The following ENPP2 variants were observed in gnomAD, a reference collection of about 807,000 sequenced individuals.
ENPP2 encodes the protein ectonucleotide pyrophosphatase/phosphodiesterase 2, also known as autotaxin.
A neutral mutation model predicts 120.2 loss-of-function variants in ENPP2; 51 were observed. The ratio of observed to expected loss-of-function variants is 0.42; its 90% confidence interval spans 0.34 to 0.54. The LOEUF (loss-of-function observed/expected upper bound fraction) is 0.54, where lower values mean the gene tolerates loss of function less well. ENPP2 is among the 20% of genes least tolerant of loss of function. The pLI, the probability that ENPP2 is intolerant of heterozygous loss-of-function variation, is 0.04. For missense variants in ENPP2, 920 were observed against 1,066.5 expected (o/e 0.86, Z 1.91); for synonymous variants, 365 against 366.4 (o/e 1.00, Z 0.04).
chr8:119,591,767 G>A (rs80130134), intron 12 of ENPP2, among the ~76,000 whole-genome samples: 12,715 of 152,058 alleles, frequency 0.084, 591 homozygotes, highest in South Asian at 0.17. Context: ...CACAGCATAA[G>A]GATTATATAT....
rs1363587787 is a variant in ENPP2, at chr8:119,595,161, T to C, written c.973-1301A>G. On this transcript the variant is annotated intron_variant, in intron 11 of 24. Transcript: ENST00000075322. ...TGTGTTTTGATCTTTGGCAATGACTTATTTTCCTTTACTCAGCAGGATGAC... is the reference window on the plus strand; with the variant it reads ...TGTGTTTTGATCTTTGGCAATGACTCATTTTCCTTTACTCAGCAGGATGAC... 2.0e-5 allele frequency among the ~76,000 whole-genome samples: 3 copies of C among 152,246 alleles called. 1 individual carries two copies. The highest frequency in any genetic ancestry group is 7.2e-5 in the African/African-American group (3 of 41,470).
Position 119,662,939 on chromosome 8 carries a change from C to T in ENPP2, c.21+10313G>A, listed in dbSNP as rs536830083. Among the ~76,000 whole-genome samples the T allele has an allele frequency of 3.5e-3, 529 of 152,058 alleles. 3 individuals carry two copies. Among genetic ancestry groups the T allele is most frequent in the African/African-American group, 0.011 (441 of 41,498 alleles). On this transcript the variant is annotated intron_variant, in intron 1 of 25. Transcript: ENST00000427067. ...CAGCCTGGCCAACATGGTGAAACCCCGTCTCTACCAAAAATATATTTTTTT... is the reference window on the plus strand; with the variant it reads ...CAGCCTGGCCAACATGGTGAAACCCTGTCTCTACCAAAAATATATTTTTTT...
chr8:119,566,627 A>G (rs1814471374), intron 22 of ENPP2, among the ~76,000 whole-genome samples: 1 of 152,178 alleles, frequency 6.6e-6, no homozygotes, highest in South Asian at 2.1e-4. Flanking sequence ...GGCATGTGAA[A>G]AAACCACCCC....
At chr8:119,611,760 T>A (rs1463192949) in intron 8 of ENPP2, among the ~76,000 whole-genome samples, 1 of 152,138 alleles carries the variant, frequency 6.6e-6, no homozygotes, top group African/African-American at 2.4e-5. Flanking sequence ...GCGCCGTGGC[T>A]CACACCTGTA....
chr8:119,672,349 C>A (rs945147527), intron 1 of ENPP2, among the ~76,000 whole-genome samples: 1 of 152,192 alleles, frequency 6.6e-6, no homozygotes, highest in Admixed American at 6.5e-5. Flanking sequence ...GTTCCCTCTC[C>A]ATCCTGCTGG....
At chr8:119,612,547 C>T (rs1332634098) in intron 8 of ENPP2, among the ~76,000 whole-genome samples, 1 of 152,098 alleles carries the variant, frequency 6.6e-6, no homozygotes, top group East Asian at 1.9e-4. Context: ...ATTGTACCAC[C>T]AATACTGGCA....
intron 4 of ENPP2, 44 bp downstream of exon 4, chr8:119,621,349 GT>G (rs770459481): frequency 6.2e-7 from 1 of 1,600,088 alleles, no homozygotes; most frequent in South Asian, 1.1e-5. Flanking sequence ...AGCACCTCCA[GT>G]TTTTATTCTT....
Position 119,587,075 on chromosome 8 carries a change from T to G in ENPP2, c.1208A>C (p.Tyr403Ser), listed in dbSNP as rs773628171. The G allele has an allele frequency of 9.3e-6, 15 of 1,607,510 alleles. No homozygotes were observed. The Admixed American group carries it at 1.2e-4, about 13-fold the overall frequency. Residue 403 changes from tyrosine (Y) to serine (S), a missense_variant and splice_region_variant, in exon 14 of 25, where the codon TAT becomes TCT. Tyr to Ser is a moderately radical substitution (Grantham distance 144). Coordinates refer to ENST00000075322, the MANE Select transcript of ENPP2 (RefSeq NM_001040092.3). ...IRSKFSNNAK[Y>S]DPKAIIANLT... ...ATTGGCAATAATGGCTTTGGGGTCATCTGTTCAAAGAGAGGAGAAAGATTT... is the reference window on the plus strand; with the variant it reads ...ATTGGCAATAATGGCTTTGGGGTCAGCTGTTCAAAGAGAGGAGAAAGATTT...
At chr8:119,566,739 T>A (rs933085671) in intron 22 of ENPP2, among the ~76,000 whole-genome samples, 3 of 152,040 alleles carry the variant, frequency 2.0e-5, no homozygotes, top group Non-Finnish European at 4.4e-5. Flanking sequence ...AAAAAACACA[T>A]CAATAAAGAA....
intron 11 of ENPP2, chr8:119,595,863 T>C: frequency 6.2e-7 from 1 of 1,614,052 alleles, no homozygotes; most frequent in Non-Finnish European, 8.5e-7. Flanking sequence ...CTGACGAGTT[T>C]CCGCAGCATA....
At chr8:119,629,618 T>C (rs1377514538) in intron 2 of ENPP2, among the ~76,000 whole-genome samples, 2 of 152,202 alleles carry the variant, frequency 1.3e-5, no homozygotes, top group Admixed American at 1.3e-4. Context: ...TTTGCATGGT[T>C]GCTCCTAGGA....
chr8:119,596,332 A>T (rs991472974), intron 11 of ENPP2, among the ~76,000 whole-genome samples: 1 of 152,240 alleles, frequency 6.6e-6, no homozygotes, highest in Non-Finnish European at 1.5e-5. Context: ...TAACTCCTGC[A>T]TTAGGGAGAG....
chr8:119,589,836 C>A (rs1220283458), intron 13 of ENPP2, among the ~76,000 whole-genome samples: 1 of 152,138 alleles, frequency 6.6e-6, no homozygotes, highest in Non-Finnish European at 1.5e-5. Flanking sequence ...TTCTCAAAAG[C>A]TAGGTAGACA....
At chr8:119,587,402 A>C (rs1222463895) in intron 13 of ENPP2, among the ~76,000 whole-genome samples, 1 of 152,174 alleles carries the variant, frequency 6.6e-6, no homozygotes, top group Non-Finnish European at 1.5e-5. Flanking sequence ...GTTCCCCTTG[A>C]GACATAATTT....
intron 1 of ENPP2, among the ~76,000 whole-genome samples, chr8:119,650,443 T>G (rs1295363909): frequency 6.6e-6 from 1 of 152,074 alleles, no homozygotes; most frequent in African/African-American, 2.4e-5. Flanking sequence ...ACCACTGAAA[T>G]GTACAGTTTA....
At chr8:119,605,250 T>A (rs1814623070) in intron 9 of ENPP2, among the ~76,000 whole-genome samples, 1 of 151,900 alleles carries the variant, frequency 6.6e-6, no homozygotes, top group African/African-American at 2.4e-5. Context: ...TTTCGTATAT[T>A]TTGGAGAGAT....
At chr8:119,634,345 T>G (rs1338952392) in intron 2 of ENPP2, among the ~76,000 whole-genome samples, 1 of 152,164 alleles carries the variant, frequency 6.6e-6, no homozygotes, top group African/African-American at 2.4e-5. Flanking sequence ...TAAATAGAAT[T>G]TAATGGCCAT....
At chr8:119,583,875 A>G (rs921224187) in intron 16 of ENPP2, 71 bp from the exon 17 acceptor site, 3 of 1,351,370 alleles carry the variant, frequency 2.2e-6, no homozygotes, top group African/African-American at 2.9e-5. Context: ...ATTTATGAAT[A>G]CTGTACAACT....
intron 8 of ENPP2, among the ~76,000 whole-genome samples, chr8:119,609,933 G>A (rs1007793934): frequency 2.0e-4 from 30 of 152,136 alleles, no homozygotes; most frequent in African/African-American, 7.2e-4. Context: ...TAGAATACAT[G>A]CTGATGTTGG....
Sources: gnomAD v4.1 joint callset for allele counts (sites outside exome capture counted in the v4.1 genomes callset) on GRCh38, gnomAD v4.1.1 for gene constraint, MANE v1.5 for transcripts, NCBI Gene and HGNC (gene_info 2026-07-23, HGNC 2026-07-21) for gene names.